EXOC2: variants seen among roughly 807,000 people sequenced by gnomAD.
EXOC2 encodes SEC5-like 1.
A neutral mutation model predicts 131.8 loss-of-function variants in EXOC2; 70 were observed. The ratio of observed to expected loss-of-function variants is 0.53; its 90% confidence interval spans 0.44 to 0.65. The LOEUF is 0.65. Ranked by LOEUF, EXOC2 falls within the 30% of genes least tolerant of loss-of-function variation. EXOC2 has a pLI of 0.00. For missense variants in EXOC2, 923 were observed against 1,108.6 expected, an observed-to-expected ratio of 0.83 and a Z score of 2.38; for synonymous variants, 411 against 398.4, an observed-to-expected ratio of 1.03 and a Z score of -0.38.
intron 1 of EXOC2, chr6:656,573 G>A (rs1340147557): frequency 3.8e-6 from 6 of 1,591,322 alleles, no homozygotes; most frequent in East Asian, 2.2e-5. Flanking sequence ...CGCTGCGAGC[G>A]CGGCCCAGGG....
At chr6:631,385 A>T (rs907001986) in intron 3 of EXOC2, among the ~76,000 whole-genome samples, 11 of 152,060 alleles carry the variant, frequency 7.2e-5, no homozygotes, top group Non-Finnish European at 1.5e-4. Context: ...TAAAAATACA[A>T]AAATTAGCTG....
intron 4 of EXOC2, among the ~76,000 whole-genome samples, chr6:620,349 T>C (rs1211991140): frequency 6.6e-6 from 1 of 152,148 alleles, no homozygotes; most frequent in Non-Finnish European, 1.5e-5. Context: ...AGGGCTCATT[T>C]CTGCCACTCT....
At chr6:613,190 G>GA (rs556658372) in intron 6 of EXOC2, among the ~76,000 whole-genome samples, 2 of 151,840 alleles carry the variant, frequency 1.3e-5, no homozygotes, top group Admixed American at 6.6e-5. Flanking sequence ...GCAGAATAAA[G>GA]AAAAAAAACT....
chr6:580,084 C>G (rs915911698), intron 11 of EXOC2, among the ~76,000 whole-genome samples: 1 of 151,558 alleles, frequency 6.6e-6, no homozygotes, highest in Non-Finnish European at 1.5e-5. Context: ...CTCTGTTGCC[C>G]AAGCTGGAGC....
intron 1 of EXOC2, among the ~76,000 whole-genome samples, chr6:654,817 A>AAAAAAAAAAAAC: frequency 7.8e-6 from 1 of 127,442 alleles, no homozygotes; most frequent in African/African-American, 3.5e-5. Flanking sequence ...AAAAAAAAAA[A>AAAAAAAAAAAAC]AAAAAAAAAA....
At chr6:585,498 C>T (rs189442177) in intron 11 of EXOC2, among the ~76,000 whole-genome samples, 5 of 152,332 alleles carry the variant, frequency 3.3e-5, no homozygotes, top group South Asian at 2.1e-4. Flanking sequence ...ATCAACTGTA[C>T]GGCAAACTCT....
chr6:541,425 T>G (rs144517694), intron 22 of EXOC2, among the ~76,000 whole-genome samples: 179 of 152,248 alleles, frequency 1.2e-3, no homozygotes, highest in Middle Eastern at 6.8e-3. Flanking sequence ...GAGTCCAAAT[T>G]ACTGCAAGAG....
intron 1 of EXOC2, among the ~76,000 whole-genome samples, chr6:678,830 A>G (rs1425436128): frequency 1.3e-5 from 2 of 152,212 alleles, no homozygotes; most frequent in African/African-American, 4.8e-5. Context: ...TTTATTCTAA[A>G]CAAACTACTG....
intron 22 of EXOC2, among the ~76,000 whole-genome samples, chr6:535,588 C>G (rs1384146182): frequency 6.6e-6 from 1 of 152,160 alleles, no homozygotes; most frequent in Non-Finnish European, 1.5e-5. Flanking sequence ...AATTGCTAAT[C>G]TGCTGAAAAA....
chr6:529,834 T>C (rs1765971213), intron 23 of EXOC2, among the ~76,000 whole-genome samples: 1 of 152,226 alleles, frequency 6.6e-6, no homozygotes, highest in Non-Finnish European at 1.5e-5. Flanking sequence ...GTTAGATGTG[T>C]GAACAGTTAA....
chr6:605,043 T>C (rs1760325986), intron 7 of EXOC2, among the ~76,000 whole-genome samples: 1 of 152,134 alleles, frequency 6.6e-6, no homozygotes, highest in Non-Finnish European at 1.5e-5. Flanking sequence ...TCTCTAGAAG[T>C]AAAGTACAAG....
intron 27 of EXOC2, among the ~76,000 whole-genome samples, chr6:488,280 G>C (rs965574642): frequency 2.0e-5 from 3 of 152,198 alleles, no homozygotes; most frequent in African/African-American, 7.2e-5. Context: ...ATTTCAGTCA[G>C]TGCACCACAT....
intron 7 of EXOC2, among the ~76,000 whole-genome samples, chr6:608,136 T>C (rs1474656099): frequency 1.3e-5 from 2 of 152,250 alleles, no homozygotes; most frequent in East Asian, 1.9e-4. Context: ...TAAATTCAAT[T>C]TTCAACAGAA....
rs1222843606 is a variant in EXOC2, at chr6:486,696, G to T, written c.2750C>A (p.Ala917Asp). ...MHLQLTCFQA[A>D]SSTMMKT Reference sequence around the variant, plus strand: ...TTATGTTTTCATCATGGTTGAAGAAGCTGCTTGGAAACAGGTGAGCTGCAA... The same window carrying T: ...TTATGTTTTCATCATGGTTGAAGAATCTGCTTGGAAACAGGTGAGCTGCAA... Residue 917 changes from alanine to aspartate, a missense_variant, in exon 28 of 28, where the codon GCT becomes GAT. Physicochemically the swap from Ala to Asp is moderately radical, Grantham distance 126. Transcript: ENST00000230449. The T allele has an allele frequency of 6.2e-7, 1 of 1,614,076 alleles. No individual in the cohort carries two copies. The highest frequency in any genetic ancestry group is 1.3e-5 in the African/African-American group (1 of 74,932).
At chr6:535,991 C>G in intron 22 of EXOC2, among the ~76,000 whole-genome samples, 1 of 152,044 alleles carries the variant, frequency 6.6e-6, no homozygotes, top group East Asian at 1.9e-4. Context: ...TGAGAAAATT[C>G]AATATACTTT....
chr6:609,966 A>T, intron 7 of EXOC2, 132 bp downstream of exon 7: 1 of 649,702 alleles, frequency 1.5e-6, no homozygotes, highest in Non-Finnish European at 2.7e-6. Context: ...TGTGTTCATT[A>T]AATCACTACT....
intron 22 of EXOC2, among the ~76,000 whole-genome samples, chr6:535,377 A>G (rs773128826): frequency 2.0e-5 from 3 of 152,100 alleles, no homozygotes; most frequent in Non-Finnish European, 4.4e-5. Context: ...AAAAAATTTG[A>G]AATTTTTTAA....
chr6:692,867 C>A (rs939479715), intron 1 of EXOC2, among the ~76,000 whole-genome samples, 152 bp downstream of exon 1: 1 of 130,244 alleles, frequency 7.7e-6, no homozygotes, highest in Non-Finnish European at 1.7e-5. Flanking sequence ...CGCGGGGGGT[C>A]GCGGGGCCCC....
intron 22 of EXOC2, among the ~76,000 whole-genome samples, chr6:543,486 G>A (rs1756671533): frequency 6.6e-6 from 1 of 152,138 alleles, no homozygotes; most frequent in South Asian, 2.1e-4. Context: ...AAGGGGAGGT[G>A]TTGATCAAAG....
Sources: allele counts gnomAD v4.1 joint callset (sites outside exome capture counted in the v4.1 genomes callset), GRCh38; gene constraint gnomAD v4.1.1; transcripts MANE v1.5; gene names NCBI Gene and HGNC (gene_info 2026-07-23, HGNC 2026-07-21).